The following TVP23A variants were observed in gnomAD, a reference collection of about 807,000 sequenced individuals.
The protein encoded by TVP23A is trans-golgi network vesicle protein 23 homolog A.
TVP23A carries 21 observed loss-of-function variants against 31.7 expected under a neutral mutation model. The ratio of observed to expected loss-of-function variants is 0.66; its 90% CI spans 0.47 to 0.95. The LOEUF is 0.95. Ranked by LOEUF, TVP23A falls within the 40% of genes least tolerant of loss-of-function variation. TVP23A has a pLI of 0.00. For missense variants in TVP23A, 279 were observed against 255.6 expected (o/e 1.09, Z -0.62); for synonymous variants, 104 against 96.0 (o/e 1.08, Z -0.49).
At chr16:10,757,521 C>T (rs1410195511), downstream of TVP23A, among the ~76,000 whole-genome samples, 1 of 152,102 alleles carries the variant, frequency 6.6e-6, no homozygotes. This position sits in a 1 kb window ranked among gnomAD's most constrained non-coding sequence, Gnocchi z 4.1. Context: ...GGGTGTTAAA[C>T]AGTGTCCCTG....
Position 10,774,993 on chromosome 16 carries a change from T to C in TVP23A, c.193A>G (p.Met65Val), listed in dbSNP as rs777805944. 6.2e-7 allele frequency: 1 copy of C among 1,612,960 alleles called. No homozygotes were observed. Among genetic ancestry groups the C allele is most frequent in the Non-Finnish European group, 8.5e-7 (1 of 1,179,470 alleles). ...TCCAGGGACAGGAGGAGCAGCACCA[T>C]GACAAAACAGCCCACAAAGCTCTTG... ...FSKSFVGCFV[M>V]VLLLLSLDFW... The change falls in exon 3 of 8, where the codon ATG becomes GTG. Residue 65 changes from methionine to valine, a missense_variant. Met to Val is a conservative substitution (Grantham distance 21). Coordinates refer to ENST00000299866, the MANE Select transcript of TVP23A (RefSeq NM_001079512.4).
At chr16:10,817,895 T>A (rs907627257) in intron 2 of TVP23A, among the ~76,000 whole-genome samples, 3 of 152,214 alleles carry the variant, frequency 2.0e-5, no homozygotes, top group Non-Finnish European at 2.9e-5. Flanking sequence ...TCTCCTTGCC[T>A]GTTCAACATC....
downstream of TVP23A, chr16:10,761,054 A>T: frequency 3.7e-6 from 1 of 267,040 alleles, no homozygotes; most frequent in Non-Finnish European, 7.4e-6. Context: ...TGTAGGAGGA[A>T]CTGTCAAACA....
rs1247872499 is a variant in TVP23A at position 10,816,960 on chromosome 16, C to CAT, written c.89+1142_89+1143insAT. ...ACACACACACACACACACACACACA[C>CAT]ACGTCACCTGACCATGGAACAGAGA... On this transcript the variant is annotated intron_variant, in intron 2 of 7. Transcript: ENST00000299866. Among the ~76,000 whole-genome samples the CAT allele has an allele frequency of 1.8e-3, 260 of 146,534 alleles. 2 individuals carry two copies. Among genetic ancestry groups the CAT allele is most frequent in the Non-Finnish European group, 2.3e-3 (152 of 66,032 alleles).
At chr16:10,762,923 G>A (rs891694989), downstream of TVP23A, among the ~76,000 whole-genome samples, 10 of 152,162 alleles carry the variant, frequency 6.6e-5, no homozygotes, top group Non-Finnish European at 1.0e-4. Context: ...TGTGGGAAAC[G>A]ACTGTCAGTG....
intron 2 of TVP23A, among the ~76,000 whole-genome samples, chr16:10,776,459 G>C (rs1361868387): frequency 1.3e-5 from 2 of 152,154 alleles, no homozygotes; most frequent in African/African-American, 2.4e-5. Flanking sequence ...GGGTGATGTG[G>C]GCCAGACTGA....
chr16:10,818,616 GC>G lies in TVP23A; in HGVS notation c.-124del. 7.8e-7 allele frequency: 1 copy of G among 1,276,134 alleles called. No individual in the cohort carries two copies. Among genetic ancestry groups the G allele is most frequent in the Non-Finnish European group, 1.0e-6 (1 of 956,066 alleles). The allele number at this position is 1,276,134 out of a possible 1,614,324, so 79.1% of individuals were successfully genotyped here. ...CAGACGGTGGACGCTGAGGGTCGGGGCCTGCGCCCTGTGGGGCAGCCTCAGC... is the reference window on the plus strand; with the variant it reads ...CAGACGGTGGACGCTGAGGGTCGGGGCTGCGCCCTGTGGGGCAGCCTCAGC... On this transcript the variant is annotated 5_prime_UTR_variant, in exon 1 of 8. Transcript: ENST00000299866. The surrounding 1 kb of genome is among the most constrained non-coding windows in gnomAD (Gnocchi z 4.7).
chr16:10,802,268 GTGTGTGTGTGTGTGTGTATA>G (rs2033735968), intron 2 of TVP23A, among the ~76,000 whole-genome samples: 1 of 139,924 alleles, frequency 7.1e-6, no homozygotes, highest in African/African-American at 3.1e-5. Context: ...GTGTGTGTGT[GTGTGTGTGTGTGTGTGTATA>G]TGTGTGTGTG....
At chr16:10,814,778 C>T (rs1433056395) in intron 2 of TVP23A, among the ~76,000 whole-genome samples, 7 of 152,192 alleles carry the variant, frequency 4.6e-5, no homozygotes, top group Non-Finnish European at 8.8e-5. Context: ...CTGAGGCCAC[C>T]GTGCTGCACA....
intron 2 of TVP23A, among the ~76,000 whole-genome samples, chr16:10,796,394 G>T (rs530937199): frequency 4.6e-5 from 7 of 152,038 alleles, no homozygotes; most frequent in African/African-American, 1.7e-4. Flanking sequence ...AGAGGAGAGG[G>T]TGAGAAGCCT....
At chr16:10,809,905 T>C (rs1192637634) in intron 2 of TVP23A, among the ~76,000 whole-genome samples, 1 of 152,056 alleles carries the variant, frequency 6.6e-6, no homozygotes, top group African/African-American at 2.4e-5. Context: ...GAACCAAAAA[T>C]GTATGCCCCA....
Position 10,776,029 on chromosome 16 carries a change from A to C in TVP23A, c.90-933T>G, listed in dbSNP as rs112684763. Among the ~76,000 whole-genome samples the C allele has an allele frequency of 4.5e-3, 684 of 151,624 alleles. 1 individual carries two copies. The highest frequency in any genetic ancestry group is 7.4e-3 in the Non-Finnish European group (504 of 67,872). ...TTCCCAAAGTGCTGGGATTACAGGC[A>C]TAAGCAACCACGCCTGGCCTTATTT... On this transcript the variant is annotated intron_variant, in intron 2 of 7. Transcript: ENST00000299866.
At chr16:10,784,112 T>G (rs931584532) in intron 2 of TVP23A, among the ~76,000 whole-genome samples, 1 of 152,008 alleles carries the variant, frequency 6.6e-6, no homozygotes, top group Admixed American at 6.6e-5. Flanking sequence ...AGGGGGCAGA[T>G]AGCTTGAGCC....
intron 2 of TVP23A, among the ~76,000 whole-genome samples, chr16:10,817,029 C>A (rs1415410556): frequency 6.6e-6 from 1 of 151,844 alleles, no homozygotes; most frequent in Non-Finnish European, 1.5e-5. Context: ...GACGGAGGAA[C>A]AGGCCACAAG....
downstream of TVP23A, chr16:10,762,027 G>C (rs1425115892): frequency 5.2e-6 from 3 of 574,916 alleles, no homozygotes; most frequent in Non-Finnish European, 3.1e-6. Context: ...GCCACCGGGA[G>C]AGAGGCCGAG....
intron 2 of TVP23A, among the ~76,000 whole-genome samples, chr16:10,782,393 T>C (rs531253182): frequency 6.7e-4 from 102 of 152,358 alleles, no homozygotes; most frequent in Non-Finnish European, 1.1e-3. Context: ...CACTTGCCTG[T>C]CTTTACCTAT....
At chr16:10,790,040 C>G (rs1231126233) in intron 2 of TVP23A, among the ~76,000 whole-genome samples, 3 of 151,934 alleles carry the variant, frequency 2.0e-5, no homozygotes, top group East Asian at 1.9e-4. Context: ...TTGTGGAGAC[C>G]AAGGTTCTTT....
At chr16:10,762,252 C>T (rs1055982150), downstream of TVP23A, 14 of 168,912 alleles carry the variant, frequency 8.3e-5, no homozygotes, top group Admixed American at 1.8e-4. Flanking sequence ...CTCCTGTGCC[C>T]GGAGAAGCCA....
chr16:10,773,589 G>C (rs2031784849), intron 4 of TVP23A, 148 bp from the exon 5 acceptor site: 1 of 1,089,660 alleles, frequency 9.2e-7, no homozygotes, highest in Admixed American at 3.1e-5. Flanking sequence ...TTTTGTTTTT[G>C]AGACAAAGTC....
Sources: allele counts gnomAD v4.1 joint callset (sites outside exome capture counted in the v4.1 genomes callset), GRCh38; gene constraint gnomAD v4.1.1; non-coding constraint Gnocchi (gnomAD v3.1); transcripts MANE v1.5; gene names NCBI Gene and HGNC (gene_info 2026-07-23, HGNC 2026-07-21).